Variants in SERPINE2 observed in about 807,000 individuals in gnomAD.
SERPINE2 encodes the protein serpin family E member 2.
A neutral mutation model predicts 36.3 loss-of-function variants in SERPINE2; 14 were observed. The observed-to-expected ratio is 0.39, with a 90% CI of 0.25 to 0.60. SERPINE2 has a LOEUF of 0.60. Among genes scored for constraint, SERPINE2 ranks in the 20% least tolerant of loss-of-function variants. The pLI, the probability that SERPINE2 is intolerant of heterozygous loss-of-function variation, is 0.57. For synonymous variants in SERPINE2, 192 were observed against 191.8 expected, an observed-to-expected ratio of 1.00 and a Z score of -0.01; for missense variants, 418 against 499.6, an observed-to-expected ratio of 0.84 and a Z score of 1.56.
chr2:224,022,474 A>T (rs13411332), intron 1 of SERPINE2, among the ~76,000 whole-genome samples: 5 of 152,070 alleles, frequency 3.3e-5, no homozygotes, highest in Admixed American at 1.3e-4. Context: ...ATTAAGAAAC[A>T]GATAGGAAAT....
At chr2:224,019,868 G>A (rs528840933) in intron 1 of SERPINE2, among the ~76,000 whole-genome samples, 1 of 150,190 alleles carries the variant, frequency 6.7e-6, no homozygotes, top group South Asian at 2.1e-4. Context: ...GGGCTATCCT[G>A]TGTATTGCAG....
intron 1 of SERPINE2, among the ~76,000 whole-genome samples, chr2:224,005,097 A>ATATATATATATATATAT (rs58677711): frequency 5.5e-5 from 7 of 127,090 alleles, no homozygotes; most frequent in African/African-American, 1.7e-4. Flanking sequence ...ATATATATAT[A>ATATATATATATATATAT]AAACATTGTA....
chr2:223,986,559 G>A lies in SERPINE2; in HGVS notation c.686-1609C>T, dbSNP rs142417668. ...GAAAACATTAAATCTCTATTCTGGC[G>A]GAGCTAATTTTCAGAAACTGTGAAA... On this transcript the variant is annotated intron_variant, in intron 4 of 8. Transcript: ENST00000409304. Among the ~76,000 whole-genome samples, 112 of 152,154 alleles carry A rather than the reference G, an allele frequency of 7.4e-4. 1 individual carries two copies. Among genetic ancestry groups the A allele is most frequent in the African/African-American group, 2.3e-3 (96 of 41,546 alleles).
intron 1 of SERPINE2, among the ~76,000 whole-genome samples, chr2:224,010,688 T>C (rs1173247870): frequency 6.6e-6 from 1 of 152,216 alleles, no homozygotes; most frequent in Non-Finnish European, 1.5e-5. Context: ...TCCTCTGCCA[T>C]ATTAGAAATC....
At position 224,005,083 on chromosome 2, in the gene SERPINE2, AT is replaced by A. The variant is rs796151683; in HGVS notation, c.-22-3162del. Among the ~76,000 whole-genome samples, 30 of 133,940 alleles carry A rather than the reference AT, an allele frequency of 2.2e-4. 2 individuals are homozygous for A. The highest frequency in any genetic ancestry group is 8.5e-4 in the African/African-American group (29 of 34,112). 87.9% of individuals were successfully genotyped at this position (133,940 alleles called of 152,430 possible). A position where few individuals can be genotyped will look rare whatever the true frequency, so the allele number is the denominator to read the frequency against. ...ATATATATTATATATATATATATAT[AT>A]ATATATATATATAAAACATTGTAAA... On this transcript the variant is annotated intron_variant, in intron 1 of 8. Transcript: ENST00000409304.
At chr2:224,033,711 G>A (rs1437683916) in intron 1 of SERPINE2, among the ~76,000 whole-genome samples, 1 of 149,622 alleles carries the variant, frequency 6.7e-6, no homozygotes, top group African/African-American at 2.5e-5. Context: ...CATCACCAAA[G>A]TTAATAGAAA....
Position 224,003,195 on chromosome 2 carries a change from C to T in SERPINE2, c.-22-1273G>A, listed in dbSNP as rs114053016. On this transcript the variant is annotated intron_variant, in intron 1 of 8. Coordinates refer to ENST00000409304, the MANE Select transcript of SERPINE2 (RefSeq NM_001136528.2). ...AGGGAGAGCAGGGCCGAGGCCCTGA[C>T]GTGGGAATAAACTTGGTGTATTAGA... Among the ~76,000 whole-genome samples the T allele has an allele frequency of 3.9e-3, 591 of 151,914 alleles. 3 individuals are homozygous for T. Among genetic ancestry groups the T allele is most frequent in the African/African-American group, 0.013 (551 of 41,420 alleles).
chr2:223,994,609 T>C (rs1455518858), intron 3 of SERPINE2, among the ~76,000 whole-genome samples: 2 of 152,126 alleles, frequency 1.3e-5, no homozygotes, highest in Non-Finnish European at 2.9e-5. Flanking sequence ...TGACATAAAA[T>C]AACTTGGAAA....
intron 1 of SERPINE2, among the ~76,000 whole-genome samples, chr2:224,005,852 C>A (rs1316638696): frequency 6.6e-6 from 1 of 152,136 alleles, no homozygotes; most frequent in Non-Finnish European, 1.5e-5. Context: ...GGTCTCTAGG[C>A]CATCATTGGA....
intron 1 of SERPINE2, 49 bp from the exon 2 acceptor site, chr2:224,001,971 TTAC>T (rs751610609): frequency 2.2e-5 from 32 of 1,472,652 alleles, no homozygotes; most frequent in African/African-American, 6.0e-5. Flanking sequence ...AATGGGTACT[TTAC>T]TACTTTTTTT....
chr2:224,000,710 C>T (rs903813758), intron 2 of SERPINE2, among the ~76,000 whole-genome samples: 4 of 152,050 alleles, frequency 2.6e-5, no homozygotes, highest in African/African-American at 9.7e-5. Flanking sequence ...CGACAGGCCC[C>T]AGTGTGTGAT....
chr2:223,991,721 G>A (rs1328291283), intron 4 of SERPINE2, 82 bp downstream of exon 4: 1 of 1,378,954 alleles, frequency 7.3e-7, no homozygotes, highest in East Asian at 2.3e-5. Context: ...AGTTAGATTT[G>A]CTCTGGAATT....
At chr2:223,979,092 T>C (rs1336636766) in intron 7 of SERPINE2, 1 of 152,166 alleles carries the variant, frequency 6.6e-6, no homozygotes. Flanking sequence ...TTCTGTTGTT[T>C]AAACCACTCA....
intron 1 of SERPINE2, among the ~76,000 whole-genome samples, chr2:224,033,735 A>T (rs111290890): frequency 0.015 from 2,205 of 151,906 alleles, 31 homozygotes; most frequent in Non-Finnish European, 0.024. Flanking sequence ...ACCAAAATGC[A>T]TTCTCCTACC....
chr2:224,010,595 C>A (rs546738048), intron 1 of SERPINE2, among the ~76,000 whole-genome samples: 1 of 152,278 alleles, frequency 6.6e-6, no homozygotes, highest in East Asian at 1.9e-4. Context: ...CGGGAAAATT[C>A]ACCTAAAGTT....
intron 1 of SERPINE2, among the ~76,000 whole-genome samples, chr2:224,017,891 C>T (rs1691852695): frequency 6.6e-6 from 1 of 152,224 alleles, no homozygotes; most frequent in South Asian, 2.1e-4. Flanking sequence ...TCCAGCTTAA[C>T]ATTTCCTCAA....
chr2:223,996,672 T>A (rs1399133397), intron 3 of SERPINE2, among the ~76,000 whole-genome samples: 1 of 152,202 alleles, frequency 6.6e-6, no homozygotes, highest in African/African-American at 2.4e-5. Flanking sequence ...ATAATTCTGA[T>A]GCAGGGACAC....
At chr2:224,005,074 TATATATA>T (rs1559209188) in intron 1 of SERPINE2, among the ~76,000 whole-genome samples, 7 of 66,468 alleles carry the variant, frequency 1.1e-4, no homozygotes, top group Admixed American at 1.9e-4. Context: ...ATTATATATA[TATATATA>T]TATATATATA....
intron 3 of SERPINE2, among the ~76,000 whole-genome samples, chr2:223,993,865 A>G (rs537371154): frequency 6.6e-6 from 1 of 152,344 alleles, no homozygotes; most frequent in South Asian, 2.1e-4. Context: ...TATCTAAGCC[A>G]TAAACAGACA....
Sources: gnomAD v4.1 joint callset for allele counts (sites outside exome capture counted in the v4.1 genomes callset) on GRCh38, gnomAD v4.1.1 for gene constraint, MANE v1.5 for transcripts, NCBI Gene and HGNC (gene_info 2026-07-23, HGNC 2026-07-21) for gene names.